The following MAMLD1 variants were observed in gnomAD, a reference collection of about 807,000 sequenced individuals.
The protein encoded by MAMLD1 is mastermind-like domain-containing protein 1.
In MAMLD1, 14 loss-of-function variants were observed where a neutral mutation model predicts 45.0. The ratio of observed to expected loss-of-function variants is 0.31; its 90% CI spans 0.21 to 0.49. The LOEUF (loss-of-function observed/expected upper bound fraction) is 0.49, where lower values mean the gene tolerates loss of function less well. Ranked by LOEUF, MAMLD1 falls within the 20% of genes least tolerant of loss-of-function variation. MAMLD1 has a pLI of 0.99. For synonymous variants in MAMLD1, 254 were observed against 247.8 expected, an observed-to-expected ratio of 1.02 and a Z score of -0.24; for missense variants, 543 against 603.6, an observed-to-expected ratio of 0.90 and a Z score of 1.05.
At chrX:150,365,496 G>C (rs782812270) in intron 1 of MAMLD1, among the ~76,000 whole-genome samples, 63 of 113,216 alleles carry the variant, frequency 5.6e-4, no homozygotes, top group African/African-American at 2.0e-3. Context: ...TCGCCGATGC[G>C]CTCGCCGGGC....
chrX:150,480,398 C>A lies in MAMLD1; in HGVS notation c.2040+6596C>A, dbSNP rs192238317. On this transcript the variant is annotated intron_variant, in intron 5 of 7. Coordinates refer to ENST00000370401, the MANE Select transcript of MAMLD1 (RefSeq NM_005491.5). ...ATTTTGCCTACAATGACAAACACTG[C>A]TTTTGTTTGTTTTATCATGTTGTGT... Among the ~76,000 whole-genome samples the A allele has an allele frequency of 6.2e-5, 7 of 112,347 alleles. No homozygotes were observed. In the East Asian group the frequency reaches 1.7e-3, roughly 27 times the overall value.
intron 1 of MAMLD1, among the ~76,000 whole-genome samples, chrX:150,427,184 C>T (rs1380617780): frequency 8.9e-6 from 1 of 111,780 alleles, no homozygotes; most frequent in Non-Finnish European, 1.9e-5. Flanking sequence ...TTCATCTTAC[C>T]TCATTATATC....
intron 1 of MAMLD1, chrX:150,420,926 C>CT (rs2034478924): frequency 8.8e-6 from 1 of 113,045 alleles, no homozygotes; most frequent in Non-Finnish European, 1.9e-5. Context: ...GTGGAGCCTA[C>CT]AGAGGCAGGC....
At chrX:150,437,638 T>G (rs1557404334) in intron 1 of MAMLD1, among the ~76,000 whole-genome samples, 1 of 112,351 alleles carries the variant, frequency 8.9e-6, no homozygotes, top group African/African-American at 3.2e-5. Flanking sequence ...TGATTTTAAT[T>G]ATTTTTTTGA....
In MAMLD1 at chrX:150,391,338, C is replaced by T. The variant is rs184360235; in HGVS notation, c.-64+27808C>T. On this transcript the variant is annotated intron_variant, in intron 1 of 7. Transcript: ENST00000370401. ...TTGTTATTGCCCACAGATCCCTGAG[C>T]CCCCTCTTCTTCTTCTTCTTTTTTT... Among the ~76,000 whole-genome samples the T allele has an allele frequency of 7.9e-4, 87 of 110,303 alleles. 3 individuals carry two copies. In the East Asian group the frequency reaches 0.014, roughly 18 times the overall value.
intron 1 of MAMLD1, among the ~76,000 whole-genome samples, chrX:150,374,347 T>C (rs782591119): frequency 1.5e-4 from 17 of 112,066 alleles, no homozygotes; most frequent in African/African-American, 5.2e-4. Context: ...CTCAGTGCCC[T>C]CAGTTGTCAG....
At position 150,382,890 on chromosome X, in the gene MAMLD1, TTTTTTTTTTTATTTTTTA is replaced by T; in HGVS notation, c.-64+19371_-64+19388del. Among the ~76,000 whole-genome samples, 3 of 33,174 alleles carry T rather than the reference TTTTTTTTTTTATTTTTTA, an allele frequency of 9.0e-5. 1 individual carries two copies. The highest frequency in any genetic ancestry group is 1.5e-4 in the Non-Finnish European group (3 of 20,145). 28.8% of individuals were successfully genotyped at this position (33,174 alleles called of 115,157 possible). On this transcript the variant is annotated intron_variant, in intron 1 of 7. Coordinates refer to ENST00000370401, the MANE Select transcript of MAMLD1 (RefSeq NM_005491.5). ...ATTTTGTCCCATTTTATTTTATTTT[TTTTTTTTTTTATTTTTTA>T]TTTTTTTTTTTTTTGAGACGGAGTC...
chrX:150,431,238 C>A (rs1377095303), intron 1 of MAMLD1, among the ~76,000 whole-genome samples: 7 of 111,514 alleles, frequency 6.3e-5, no homozygotes, highest in African/African-American at 2.3e-4. Flanking sequence ...GTGTTCATTG[C>A]TAGTATACAG....
intron 5 of MAMLD1, among the ~76,000 whole-genome samples, chrX:150,490,514 G>A (rs1480429379): frequency 2.7e-5 from 3 of 112,316 alleles, no homozygotes; most frequent in African/African-American, 9.7e-5. Flanking sequence ...CCTCGGAGTT[G>A]GGGCAGACTG....
chrX:150,390,384 T>G (rs939898014), intron 1 of MAMLD1, among the ~76,000 whole-genome samples: 17 of 112,718 alleles, frequency 1.5e-4, no homozygotes, highest in African/African-American at 5.5e-4. Flanking sequence ...CTCCATTTGT[T>G]TCTTCTTTGT....
intron 5 of MAMLD1, among the ~76,000 whole-genome samples, chrX:150,475,045 G>A (rs1208829451): frequency 1.8e-5 from 2 of 112,125 alleles, no homozygotes; most frequent in African/African-American, 6.5e-5. Flanking sequence ...ACTTCCAGCA[G>A]GCTAAGCAAA....
chrX:150,508,333 G>A (rs1187384421), intron 6 of MAMLD1, among the ~76,000 whole-genome samples: 3 of 111,561 alleles, frequency 2.7e-5, no homozygotes, highest in Non-Finnish European at 5.7e-5. Flanking sequence ...ATGAGAGCTT[G>A]AGAAGGCAGA....
intron 5 of MAMLD1, among the ~76,000 whole-genome samples, chrX:150,474,061 A>T (rs1469059029): frequency 1.8e-5 from 2 of 112,147 alleles, no homozygotes; most frequent in Non-Finnish European, 3.8e-5. Context: ...TGGGTCCCCA[A>T]ATTGGAAATG....
At chrX:150,497,655 C>T (rs1487649023) in intron 5 of MAMLD1, among the ~76,000 whole-genome samples, 2 of 110,906 alleles carry the variant, frequency 1.8e-5, no homozygotes, top group African/African-American at 6.6e-5. Flanking sequence ...AGAGGTCCCC[C>T]AACTTGGAGT....
chrX:150,420,668 T>C (rs1394417859), intron 1 of MAMLD1, among the ~76,000 whole-genome samples: 1 of 112,417 alleles, frequency 8.9e-6, no homozygotes, highest in African/African-American at 3.2e-5. Flanking sequence ...GAGAGGACCC[T>C]CAGCTACAGG....
intron 1 of MAMLD1, among the ~76,000 whole-genome samples, chrX:150,394,640 A>G (rs1557402239): frequency 9.0e-6 from 1 of 111,279 alleles, no homozygotes; most frequent in East Asian, 2.8e-4. Context: ...TTTTCCTTAT[A>G]TAGATCTTGT....
chrX:150,463,979 T>A (rs1440552285), intron 3 of MAMLD1, among the ~76,000 whole-genome samples: 2 of 112,128 alleles, frequency 1.8e-5, no homozygotes, highest in Non-Finnish European at 3.8e-5. Flanking sequence ...ACACAGGGCC[T>A]TGAGAATGAT....
chrX:150,372,351 T>A (rs1029102404), intron 1 of MAMLD1, among the ~76,000 whole-genome samples: 6 of 111,134 alleles, frequency 5.4e-5, no homozygotes, highest in Admixed American at 1.9e-4. Flanking sequence ...CTGGCAATGG[T>A]GGGAGGTTGT....
chrX:150,479,825 T>C (rs782332413), intron 5 of MAMLD1, among the ~76,000 whole-genome samples: 69 of 111,951 alleles, frequency 6.2e-4, no homozygotes, highest in Admixed American at 1.5e-3. Context: ...AGGTGAAAAG[T>C]TCGCAAAATG....
Sources: gnomAD v4.1 joint callset for allele counts (sites outside exome capture counted in the v4.1 genomes callset) on GRCh38, gnomAD v4.1.1 for gene constraint, MANE v1.5 for transcripts, NCBI Gene and HGNC (gene_info 2026-07-23, HGNC 2026-07-21) for gene names.